Variants in MAD1L1 observed in about 807,000 individuals in gnomAD.
MAD1L1 encodes the protein mitotic spindle assembly checkpoint protein MAD1.
MAD1L1 carries 95 observed loss-of-function variants against 96.9 expected under a neutral mutation model. The observed-to-expected ratio is 0.98, with a 90% CI of 0.83 to 1.16. The LOEUF (loss-of-function observed/expected upper bound fraction) is 1.16, where lower values mean the gene tolerates loss of function less well. Ranked by LOEUF, MAD1L1 falls within the 50% of genes most tolerant of loss-of-function variation. The pLI, the probability that MAD1L1 is intolerant of heterozygous loss-of-function variation, is 0.00. For synonymous variants in MAD1L1, 473 were observed against 396.6 expected (o/e 1.19, Z -2.29); for missense variants, 1,007 against 954.4 (o/e 1.06, Z -0.73).
chr7:2,211,695 C>G (rs1792957298), intron 10 of MAD1L1, among the ~76,000 whole-genome samples: 1 of 152,170 alleles, frequency 6.6e-6, no homozygotes, highest in Non-Finnish European at 1.5e-5. Flanking sequence ...AGGGGGAGTT[C>G]AAGAGGAGAC....
chr7:2,070,651 A>G (rs1785081546), intron 11 of MAD1L1, among the ~76,000 whole-genome samples: 1 of 152,250 alleles, frequency 6.6e-6, no homozygotes, highest in African/African-American at 2.4e-5. Flanking sequence ...TGAGTACCAC[A>G]AACTTCTTTC....
intron 14 of MAD1L1, among the ~76,000 whole-genome samples, chr7:1,994,780 G>A (rs1781487786): frequency 6.6e-6 from 1 of 152,208 alleles, no homozygotes; most frequent in South Asian, 2.1e-4. Flanking sequence ...AGACCGGCCA[G>A]TTCCTGATCC....
chr7:1,912,051 C>A (rs1242600920), intron 17 of MAD1L1, among the ~76,000 whole-genome samples: 1 of 152,206 alleles, frequency 6.6e-6, no homozygotes, highest in Non-Finnish European at 1.5e-5. Context: ...GGAACCATGG[C>A]CAAACCCAGA....
At chr7:1,860,016 ACC>A in intron 18 of MAD1L1, among the ~76,000 whole-genome samples, 1 of 135,040 alleles carries the variant, frequency 7.4e-6, no homozygotes. Flanking sequence ...TGTTCCCTAG[ACC>A]TGACATCCTG....
At position 2,222,749 on chromosome 7, in the gene MAD1L1, C is replaced by T. The variant is rs777836634; in HGVS notation, c.297G>A (p.Glu99=). 5.0e-6 allele frequency: 8 copies of T among 1,598,352 alleles called. No homozygotes were observed. The African/African-American group carries it at 9.4e-5, about 19-fold the overall frequency. The change falls in exon 5 of 19, where the codon GAG becomes GAA. Residue 99 remains glutamate (E), a synonymous_variant. Transcript: ENST00000265854. The part of the protein sequence containing the change: ...ASTSARNYER[E]VDRNQELLTR... ...TCAGGAGCTCCTGGTTGCGGTCGAC[C>T]TCACGCTGTTAAGAGAGCAAGAGTC...
Position 1,829,249 on chromosome 7 carries a change from G to A in MAD1L1, c.1999-13021C>T, listed in dbSNP as rs375754173. Among the ~76,000 whole-genome samples, 33 of 152,314 alleles carry A rather than the reference G, an allele frequency of 2.2e-4. 1 individual carries two copies. The highest frequency in any genetic ancestry group is 6.2e-4 in the South Asian group (3 of 4,822). On this transcript the variant is annotated intron_variant, in intron 18 of 18. Transcript: ENST00000265854. ...CCAGCCCTTCAGCGTGACTTACAGCGGATGCAAAGTGGGGCGCAAGTGCTG... is the reference window on the plus strand; with the variant it reads ...CCAGCCCTTCAGCGTGACTTACAGCAGATGCAAAGTGGGGCGCAAGTGCTG...
intron 12 of MAD1L1, among the ~76,000 whole-genome samples, chr7:2,055,670 A>C (rs1373857311): frequency 7.4e-5 from 5 of 67,418 alleles, no homozygotes; most frequent in African/African-American, 4.0e-4. Flanking sequence ...ACCCTGTCTC[A>C]AAAAAAAAAA....
intron 15 of MAD1L1, among the ~76,000 whole-genome samples, chr7:1,960,609 C>T (rs1448153096): frequency 6.6e-6 from 1 of 152,050 alleles, no homozygotes; most frequent in African/African-American, 2.4e-5. Context: ...AATAATAATC[C>T]TAAACATGTG....
In MAD1L1 at chr7:2,083,070, G is replaced by A. The variant is rs940168604; in HGVS notation, c.1074-13732C>T. On this transcript the variant is annotated intron_variant, in intron 11 of 18. Transcript: ENST00000265854. ...AGAGCCGTCCCTCCCTGCGCGTGAC[G>A]TCCTGGGTACCCAGGGCTGACAGCC... Among the ~76,000 whole-genome samples the A allele has an allele frequency of 5.3e-5, 8 of 152,326 alleles. No homozygotes were observed. In the East Asian group the frequency reaches 5.8e-4, roughly 11 times the overall value.
intron 18 of MAD1L1, among the ~76,000 whole-genome samples, chr7:1,865,839 C>T (rs970050607): frequency 1.3e-5 from 2 of 152,268 alleles, no homozygotes; most frequent in Admixed American, 1.3e-4. Flanking sequence ...CTTGCAGGCC[C>T]TGTGCACCGC....
chr7:2,211,029 T>C (rs999420188), intron 10 of MAD1L1, among the ~76,000 whole-genome samples: 5 of 152,186 alleles, frequency 3.3e-5, no homozygotes, highest in Admixed American at 2.6e-4. Context: ...TTACTGTTGG[T>C]GGCGGGGGGC....
At chr7:2,227,167 G>GA (rs1562391617) in intron 3 of MAD1L1, among the ~76,000 whole-genome samples, 2 of 151,136 alleles carry the variant, frequency 1.3e-5, no homozygotes, top group African/African-American at 4.9e-5. Context: ...TGGTGGTAAC[G>GA]CACCTGTAAT....
chr7:2,172,810 C>A (rs1461271136), intron 10 of MAD1L1, among the ~76,000 whole-genome samples: 1 of 152,208 alleles, frequency 6.6e-6, no homozygotes, highest in East Asian at 1.9e-4. Context: ...AAGGCTGGAG[C>A]CCCAGATGGG....
intron 18 of MAD1L1, among the ~76,000 whole-genome samples, chr7:1,874,189 T>C (rs1278439654): frequency 6.6e-6 from 1 of 152,074 alleles, no homozygotes; most frequent in South Asian, 2.1e-4. Context: ...CAGAGGTCAG[T>C]GCAGCGAGGC....
At chr7:1,846,752 C>A (rs6953693) in intron 18 of MAD1L1, 6 of 167,558 alleles carry the variant, frequency 3.6e-5, no homozygotes, top group South Asian at 1.4e-4. Context: ...GACGCCCCCC[C>A]ACCGCTCCCC....
intron 5 of MAD1L1, among the ~76,000 whole-genome samples, chr7:2,220,630 G>C (rs967689882): frequency 6.6e-6 from 1 of 152,196 alleles, no homozygotes; most frequent in African/African-American, 2.4e-5. Flanking sequence ...GGAGGCCTCA[G>C]CACTCATTTC....
chr7:2,080,536 T>A (rs1475887765), intron 11 of MAD1L1, among the ~76,000 whole-genome samples: 1 of 12,216 alleles, frequency 8.2e-5, no homozygotes, highest in African/African-American at 3.5e-4. Context: ...CCCACCCTCA[T>A]GTGCAGAGCG....
rs1055121350 is a variant in MAD1L1 at position 2,177,987 on chromosome 7, A to G, written c.987-28749T>C. Among the ~76,000 whole-genome samples the G allele has an allele frequency of 2.0e-5, 3 of 152,364 alleles. No homozygotes were observed. In the East Asian group the frequency reaches 5.8e-4, roughly 29 times the overall value. ...CATTTCCAAATTCACTTTAGGCAAG[A>G]AGCAATGGTTTCATGAGTTTATAAA... On this transcript the variant is annotated intron_variant, in intron 10 of 18. Coordinates refer to ENST00000265854, the MANE Select transcript of MAD1L1 (RefSeq NM_001013836.2).
chr7:1,993,379 G>T (rs1781431288), intron 14 of MAD1L1, among the ~76,000 whole-genome samples: 2 of 152,220 alleles, frequency 1.3e-5, no homozygotes, highest in Non-Finnish European at 2.9e-5. Flanking sequence ...CAAGAGGACT[G>T]GCAGGAACCT....
Sources: gnomAD v4.1 joint callset for allele counts (sites outside exome capture counted in the v4.1 genomes callset) on GRCh38, gnomAD v4.1.1 for gene constraint, MANE v1.5 for transcripts, NCBI Gene and HGNC (gene_info 2026-07-23, HGNC 2026-07-21) for gene names.